The following LGSN variants were observed in gnomAD, a reference collection of about 807,000 sequenced individuals.
LGSN encodes the protein lengsin, lens protein with glutamine synthetase domain, also known as lengsin.
A neutral mutation model predicts 19.5 loss-of-function variants in LGSN; 21 were observed. That is an observed-to-expected ratio of 1.07 (90% CI 0.76 to 1.55). The LOEUF (loss-of-function observed/expected upper bound fraction) is 1.55, where lower values mean the gene tolerates loss of function less well. LGSN is among the 40% of genes most tolerant of loss of function. The pLI is 0.00. For synonymous variants in LGSN, 257 were observed against 215.6 expected (o/e 1.19, Z -1.68); for missense variants, 673 against 608.5 (o/e 1.11, Z -1.12).
chr6:63,316,667 G>A (rs1201419730), intron 1 of LGSN, among the ~76,000 whole-genome samples: 1 of 151,828 alleles, frequency 6.6e-6, no homozygotes, highest in East Asian at 1.9e-4. Flanking sequence ...ATGTAGACAG[G>A]ACAAAAATAA....
chr6:63,511,677 T>C, the LGSN span, among the ~76,000 whole-genome samples: 2 of 152,254 alleles, frequency 1.3e-5, no homozygotes, highest in African/African-American at 4.8e-5. Context: ...ATCTAACGTA[T>C]TAAAATTTTT....
the LGSN span, among the ~76,000 whole-genome samples, chr6:63,345,795 G>A: frequency 6.6e-6 from 1 of 151,816 alleles, no homozygotes; most frequent in Non-Finnish European, 1.5e-5. Flanking sequence ...AGAAATCATG[G>A]GTTCCATAAC....
the LGSN span, among the ~76,000 whole-genome samples, chr6:63,498,124 G>A: frequency 3.5e-3 from 529 of 151,846 alleles, 8 homozygotes; most frequent in African/African-American, 0.012. Context: ...CTCTATGCTG[G>A]CCAGGCTGGT....
At chr6:63,555,386 T>C in the LGSN span, among the ~76,000 whole-genome samples, 1 of 152,212 alleles carries the variant, frequency 6.6e-6, no homozygotes, top group Non-Finnish European at 1.5e-5. Context: ...TCTAGACTAA[T>C]AGGAAGGAAA....
rs925150931 is a variant in LGSN at position 63,276,365 on chromosome 6, T to C, written c.*3656A>G. 1 of 152,234 alleles carries C rather than the reference T, an allele frequency of 6.6e-6. No homozygotes were observed. Among genetic ancestry groups the C allele is most frequent in the African/African-American group, 2.4e-5 (1 of 41,464 alleles). The allele number at this position is 152,234 out of a possible 1,614,324, so 9.4% of individuals were successfully genotyped here. Reference sequence around the variant, plus strand: ...AAATGAAATTTTAGATTATAGAATGTCCTTGAAAATAGAAACTTGTTACTA... The same window carrying C: ...AAATGAAATTTTAGATTATAGAATGCCCTTGAAAATAGAAACTTGTTACTA... On this transcript the variant is annotated 3_prime_UTR_variant, in exon 4 of 4. Transcript: ENST00000370657.
At chr6:63,484,065 G>A in the LGSN span, among the ~76,000 whole-genome samples, 1 of 151,910 alleles carries the variant, frequency 6.6e-6, no homozygotes, top group Admixed American at 6.6e-5. Context: ...GAGGTGGGAG[G>A]ATTGCTTGAG....
At chr6:63,453,359 T>TA in the LGSN span, among the ~76,000 whole-genome samples, 3 of 151,936 alleles carry the variant, frequency 2.0e-5, no homozygotes, top group Non-Finnish European at 4.4e-5. Flanking sequence ...TATTAGTTAC[T>TA]AAAAAAAAGA....
chr6:63,400,432 C>T, the LGSN span, among the ~76,000 whole-genome samples: 1 of 152,214 alleles, frequency 6.6e-6, no homozygotes, highest in Non-Finnish European at 1.5e-5. Context: ...ACCTCCAGGA[C>T]ATTTAATGAG....
the LGSN span, chr6:63,480,189 T>G: frequency 3.6e-5 from 8 of 221,318 alleles, no homozygotes; most frequent in Non-Finnish European, 7.0e-5. Context: ...AATGGTTACC[T>G]GGCTGACCAG....
chr6:63,460,385 T>G, the LGSN span, among the ~76,000 whole-genome samples: 7 of 152,182 alleles, frequency 4.6e-5, no homozygotes, highest in East Asian at 1.3e-3. Context: ...AACTGTGCTT[T>G]CTTTCATGAG....
chr6:63,356,292 C>G, the LGSN span, among the ~76,000 whole-genome samples: 1 of 152,144 alleles, frequency 6.6e-6, no homozygotes, highest in Admixed American at 6.5e-5. Context: ...ATAATCCCAG[C>G]ACTTTGGGAG....
the LGSN span, among the ~76,000 whole-genome samples, chr6:63,366,914 C>T: frequency 2.8e-3 from 428 of 150,982 alleles, 1 homozygote; most frequent in Admixed American, 4.4e-3. Flanking sequence ...TGGATCCCTT[C>T]CTTACACCTT....
chr6:63,406,833 T>C, the LGSN span, among the ~76,000 whole-genome samples: 1 of 147,244 alleles, frequency 6.8e-6, no homozygotes, highest in African/African-American at 2.7e-5. Context: ...CAATAAAAAA[T>C]GATAAAGGGG....
the LGSN span, among the ~76,000 whole-genome samples, chr6:63,402,347 A>C: frequency 6.6e-6 from 1 of 152,202 alleles, no homozygotes; most frequent in Admixed American, 6.5e-5. Flanking sequence ...GGAAAGATAG[A>C]AAAATAATGT....
the LGSN span, chr6:63,394,889 G>T: frequency 1.3e-5 from 2 of 152,640 alleles, no homozygotes; most frequent in African/African-American, 2.4e-5. Flanking sequence ...CGCCTGTCAG[G>T]CGGTCGTCTG....
the LGSN span, among the ~76,000 whole-genome samples, chr6:63,526,223 G>A: frequency 3.9e-4 from 60 of 152,134 alleles, no homozygotes; most frequent in African/African-American, 1.3e-3. Context: ...TACTCAGGAG[G>A]CTGAGTCAGG....
the LGSN span, among the ~76,000 whole-genome samples, chr6:63,440,305 C>T: frequency 2.6e-5 from 4 of 152,232 alleles, no homozygotes; most frequent in Non-Finnish European, 5.9e-5. Flanking sequence ...AAGTTCAGGC[C>T]GTTTGTAGGT....
chr6:63,404,853 G>T, the LGSN span, among the ~76,000 whole-genome samples: 1 of 151,712 alleles, frequency 6.6e-6, no homozygotes, highest in South Asian at 2.1e-4. Context: ...TGTGCACAAT[G>T]TGCAGGTTAG....
the LGSN span, among the ~76,000 whole-genome samples, chr6:63,360,729 C>G: frequency 6.6e-6 from 1 of 152,208 alleles, no homozygotes; most frequent in Admixed American, 6.5e-5. Context: ...AGGAGAGGCA[C>G]TCTGATTTTT....
Sources: gnomAD v4.1 joint callset for allele counts (sites outside exome capture counted in the v4.1 genomes callset) on GRCh38, gnomAD v4.1.1 for gene constraint, MANE v1.5 for transcripts, NCBI Gene and HGNC (gene_info 2026-07-23, HGNC 2026-07-21) for gene names.